UGT2B17: variants seen among roughly 807,000 people sequenced by gnomAD.
UGT2B17 encodes UDP glucuronosyltransferase family 2 member B17, also known as UDP-glucuronosyltransferase 2B17.
UGT2B17 carries 21 observed loss-of-function variants against 48.2 expected under a neutral mutation model. The observed-to-expected ratio is 0.44, with a 90% CI of 0.31 to 0.63. The LOEUF is 0.63. Among genes scored for constraint, UGT2B17 ranks in the 20% least tolerant of loss-of-function variants. UGT2B17 has a pLI of 0.08. For missense variants in UGT2B17, 402 were observed against 696.1 expected (o/e 0.58, Z 4.75); for synonymous variants, 146 against 238.4 (o/e 0.61, Z 3.57).
At chr4:68,540,459 G>T (rs1240038276) in intron 6 of UGT2B17, among the ~76,000 whole-genome samples, 1 of 125,484 alleles carries the variant, frequency 8.0e-6, no homozygotes, top group Admixed American at 8.1e-5. Flanking sequence ...GAGGAGCTGG[G>T]ACTACAGGTG....
chr4:68,559,457 G>C (rs1308473522), intron 4 of UGT2B17, among the ~76,000 whole-genome samples: 1 of 125,768 alleles, frequency 8.0e-6, no homozygotes, highest in Non-Finnish European at 1.7e-5. Context: ...TGACAGCCTT[G>C]ATATATGGTC....
rs1169960396 is a variant in UGT2B17, at chr4:68,547,531, TA to T, written c.1313+3145del. Among the ~76,000 whole-genome samples, 15 of 124,276 alleles carry T rather than the reference TA, an allele frequency of 1.2e-4. 5 individuals are homozygous for T. The highest frequency in any genetic ancestry group is 4.1e-4 in the African/African-American group (15 of 36,462). 81.5% of individuals were successfully genotyped at this position (124,276 alleles called of 152,430 possible). ...TAGGCATGGGCAAGGACTTCATGAC[TA>T]AAACACCAAAAGCAATGGCAACAAA... On this transcript the variant is annotated intron_variant, in intron 6 of 6. Coordinates refer to ENST00000317746, the MANE Select transcript of UGT2B17 (RefSeq NM_001077.4).
At position 68,537,708 on chromosome 4, in the gene UGT2B17, T is replaced by C; in HGVS notation, c.1510A>G (p.Thr504Ala). 7.3e-7 allele frequency: 1 copy of C among 1,379,090 alleles called. No individual in the cohort carries two copies. Among genetic ancestry groups the C allele is most frequent in the Non-Finnish European group, 9.5e-7 (1 of 1,054,782 alleles). The allele number at this position is 1,379,090 out of a possible 1,614,324, so 85.4% of individuals were successfully genotyped here. A position where few individuals can be genotyped will look rare whatever the true frequency, so the allele number is the denominator to read the frequency against. The change falls in exon 7 of 7, where the codon ACT becomes GCT. Residue 504 changes from threonine (T) to alanine (A), a missense_variant. Coordinates refer to ENST00000317746, the MANE Select transcript of UGT2B17 (RefSeq NM_001077.4). ...VIAFLLACVA[T>A]MIFMITKCCL... ...CATTTTGTGATCATAAATATCATAG[T>C]TGCCACGCAGGCCAGCAGGAATGCT...
chr4:68,568,937 A>G (rs62317005), intron 1 of UGT2B17, among the ~76,000 whole-genome samples: 15,614 of 128,998 alleles, frequency 0.12, 569 homozygotes, highest in Non-Finnish European at 0.17. Context: ...TACTTTCACT[A>G]CAATAATCAG....
At chr4:68,541,120 G>C (rs1047466860) in intron 6 of UGT2B17, among the ~76,000 whole-genome samples, 1 of 125,944 alleles carries the variant, frequency 7.9e-6, no homozygotes, top group African/African-American at 2.7e-5. Flanking sequence ...ATGTGCATGT[G>C]TCTTTACAGT....
intron 6 of UGT2B17, among the ~76,000 whole-genome samples, chr4:68,547,360 C>A (rs1460673266): frequency 3.2e-5 from 4 of 126,632 alleles, no homozygotes; most frequent in Non-Finnish European, 6.7e-5. Flanking sequence ...GCTAGGAAAA[C>A]TGGCTAGCCA....
chr4:68,561,064 C>G lies in UGT2B17; in HGVS notation c.874-396G>C, dbSNP rs551853255. ...ATTTTTTTTTGTAGTTCTACTAAAT[C>G]TCTTGTGTTTATTTGGGGTCATTTT... On this transcript the variant is annotated intron_variant, in intron 3 of 6. Transcript: ENST00000317746. 8.9e-5 allele frequency among the ~76,000 whole-genome samples: 11 copies of G among 123,404 alleles called. 2 individuals carry two copies. The highest frequency in any genetic ancestry group is 7.6e-4 in the Admixed American group (9 of 11,874). 81.0% of individuals were successfully genotyped at this position (123,404 alleles called of 152,430 possible).
chr4:68,575,672 G>A (rs1477125158), intron 1 of UGT2B17, among the ~76,000 whole-genome samples: 3 of 125,744 alleles, frequency 2.4e-5, no homozygotes, highest in African/African-American at 8.2e-5. Flanking sequence ...CAAAATCAGA[G>A]TATCCAGAAA....
At chr4:68,553,840 T>A (rs1342159036) in intron 4 of UGT2B17, among the ~76,000 whole-genome samples, 1 of 118,976 alleles carries the variant, frequency 8.4e-6, no homozygotes, top group Non-Finnish European at 1.8e-5. Context: ...TGTGAGAAAC[T>A]GAACTGTGGT....
rs377014793 is a variant in UGT2B17 at position 68,545,789 on chromosome 4, T to C, written c.1313+4888A>G. Among the ~76,000 whole-genome samples, 113 of 125,438 alleles carry C rather than the reference T, an allele frequency of 9.0e-4. 29 individuals are homozygous for C. The highest frequency in any genetic ancestry group is 4.0e-3 in the Middle Eastern group (1 of 252). The allele number at this position is 125,438 out of a possible 152,430, so 82.3% of individuals were successfully genotyped here. A position where few individuals can be genotyped will look rare whatever the true frequency, so the allele number is the denominator to read the frequency against. ...TACAAACTACCATCAGAGAATACTA[T>C]AAACACCTCTACGCAAATAAACTAG... On this transcript the variant is annotated intron_variant, in intron 6 of 6. Transcript: ENST00000317746.
At chr4:68,544,591 A>G (rs1730756487) in intron 6 of UGT2B17, among the ~76,000 whole-genome samples, 1 of 125,788 alleles carries the variant, frequency 7.9e-6, no homozygotes, top group Non-Finnish European at 1.7e-5. Context: ...TTTACACATA[A>G]CAATATTAAC....
chr4:68,550,980 G>T lies in UGT2B17; in HGVS notation c.1094-84C>A, dbSNP rs1730904726. The T allele has an allele frequency of 5.9e-6, 6 of 1,015,832 alleles. 1 individual carries two copies. The highest frequency in any genetic ancestry group is 7.9e-6 in the Non-Finnish European group (6 of 761,762). The allele number at this position is 1,015,832 out of a possible 1,614,324, so 62.9% of individuals were successfully genotyped here. ...AAATGCACAATATAAGGAACTTAAA[G>T]CAAAACTGTTCCCTAGGTAACATTA... is the stretch of plus-strand genomic sequence containing the variant. On this transcript the variant is annotated intron_variant, in intron 5 of 6. Transcript: ENST00000317746.
rs1365591304 is a variant in UGT2B17 at position 68,571,355 on chromosome 4, C to T, written c.-64-2807G>A. Among the ~76,000 whole-genome samples the T allele has an allele frequency of 1.6e-5, 2 of 125,484 alleles. 1 individual carries two copies. Among genetic ancestry groups the T allele is most frequent in the African/African-American group, 5.5e-5 (2 of 36,626 alleles). The allele number at this position is 125,484 out of a possible 152,430, so 82.3% of individuals were successfully genotyped here. On this transcript the variant is annotated intron_variant, in intron 1 of 6. Coordinates refer to ENST00000317746, the MANE Select transcript of UGT2B17 (RefSeq NM_001077.4). ...AGCTACCTGTCTACTGATCAGGCAG[C>T]TTAGCATAAGCTTTGTGTCCACATA...
At position 68,573,042 on chromosome 4, in the gene UGT2B17, T is replaced by A. The variant is rs1186733385; in HGVS notation, c.-65+2909A>T. ...GATTTTCACAATGCAAGCTTTGGTA[T>A]CTAGTTAGTCTATCATTTATTAGCT... On this transcript the variant is annotated intron_variant, in intron 1 of 6. Transcript: ENST00000317746. 3.9e-5 allele frequency among the ~76,000 whole-genome samples: 5 copies of A among 127,832 alleles called. 2 individuals carry two copies. The highest frequency in any genetic ancestry group is 2.4e-4 in the Admixed American group (3 of 12,678). The allele number at this position is 127,832 out of a possible 152,430, so 83.9% of individuals were successfully genotyped here.
rs1335566669 is a variant in UGT2B17 at position 68,569,501 on chromosome 4, C to T, written c.-64-953G>A. 3.2e-5 allele frequency among the ~76,000 whole-genome samples: 4 copies of T among 125,618 alleles called. 1 individual carries two copies. The highest frequency in any genetic ancestry group is 6.7e-5 in the Non-Finnish European group (4 of 59,354). The allele number at this position is 125,618 out of a possible 152,430, so 82.4% of individuals were successfully genotyped here. A position where few individuals can be genotyped will look rare whatever the true frequency, so the allele number is the denominator to read the frequency against. ...ACCCAAGCAGCTCATTCCTGCCTGG[C>T]ACCACAGTGATCCTTTAGGAGGGTG... On this transcript the variant is annotated intron_variant, in intron 1 of 6. Transcript: ENST00000317746.
rs1221976808 is a variant in UGT2B17, at chr4:68,552,157, T to C, written c.1006-246A>G. Among the ~76,000 whole-genome samples, 4 of 125,678 alleles carry C rather than the reference T, an allele frequency of 3.2e-5. 2 individuals carry two copies. Among genetic ancestry groups the C allele is most frequent in the African/African-American group, 1.1e-4 (4 of 36,860 alleles). The allele number at this position is 125,678 out of a possible 152,430, so 82.4% of individuals were successfully genotyped here. A position where few individuals can be genotyped will look rare whatever the true frequency, so the allele number is the denominator to read the frequency against. On this transcript the variant is annotated intron_variant, in intron 4 of 6. Transcript: ENST00000317746. ...ATTTCTAACTTAATAGCTAGACACA[T>C]GAGAGTGTGAGAGGAAAATAAATCT...
In UGT2B17 at chr4:68,538,572, A is replaced by G. The variant is rs796287973; in HGVS notation, c.1314-668T>C. Among the ~76,000 whole-genome samples the G allele has an allele frequency of 1.7e-4, 21 of 125,534 alleles. 3 individuals are homozygous for G. The highest frequency in any genetic ancestry group is 4.9e-4 in the African/African-American group (18 of 36,838). The allele number at this position is 125,534 out of a possible 152,430, so 82.4% of individuals were successfully genotyped here. A position where few individuals can be genotyped will look rare whatever the true frequency, so the allele number is the denominator to read the frequency against. On this transcript the variant is annotated intron_variant, in intron 6 of 6. Coordinates refer to ENST00000317746, the MANE Select transcript of UGT2B17 (RefSeq NM_001077.4). ...ATATTTAAAGAAGAATTGTGTCACA[A>G]CTGGTGAAATGTCTCCTAACTAGTT...
At chr4:68,544,448 T>C (rs1378636754) in intron 6 of UGT2B17, among the ~76,000 whole-genome samples, 1 of 125,434 alleles carries the variant, frequency 8.0e-6, no homozygotes, top group Non-Finnish European at 1.7e-5. Flanking sequence ...AAGGAAGCAC[T>C]AAACATGGAA....
chr4:68,571,783 G>C (rs1284738712), intron 1 of UGT2B17, among the ~76,000 whole-genome samples: 1 of 125,304 alleles, frequency 8.0e-6, no homozygotes, highest in African/African-American at 2.7e-5. Flanking sequence ...CTACGTGTTA[G>C]GCTAATTGCA....
Sources: allele counts gnomAD v4.1 joint callset (sites outside exome capture counted in the v4.1 genomes callset), GRCh38; gene constraint gnomAD v4.1.1; transcripts MANE v1.5; gene names NCBI Gene and HGNC (gene_info 2026-07-23, HGNC 2026-07-21).